LRP1B: variants seen among roughly 807,000 people sequenced by gnomAD.
The protein encoded by LRP1B is LDL receptor related protein 1B, also known as low-density lipoprotein receptor-related protein 1B.
Under a neutral mutation model 556.6 loss-of-function variants are expected in LRP1B, and 217 were observed. The observed-to-expected ratio is 0.39, with a 90% CI of 0.35 to 0.44. The LOEUF (loss-of-function observed/expected upper bound fraction) is 0.44, where lower values mean the gene tolerates loss of function less well. Ranked by LOEUF, LRP1B falls within the 20% of genes least tolerant of loss-of-function variation. LRP1B has a pLI of 1.00. For synonymous variants in LRP1B, 2,047 were observed against 1,865.8 expected, an observed-to-expected ratio of 1.10 and a Z score of -2.50; for missense variants, 5,053 against 5,620.8, an observed-to-expected ratio of 0.90 and a Z score of 3.23.
intron 2 of LRP1B, among the ~76,000 whole-genome samples, chr2:141,502,816 G>A (rs1683771216): frequency 6.7e-6 from 1 of 149,274 alleles, no homozygotes; most frequent in African/African-American, 2.5e-5. Context: ...CCAAGATTGT[G>A]CCACTGTACT....
intron 66 of LRP1B, among the ~76,000 whole-genome samples, chr2:140,437,276 G>T (rs913667869): frequency 1.3e-4 from 20 of 152,086 alleles, no homozygotes; most frequent in Middle Eastern, 6.8e-3. Flanking sequence ...TAACATGAAG[G>T]CACATAATCC....
chr2:142,109,976 A>T (rs1559075869), intron 1 of LRP1B, among the ~76,000 whole-genome samples: 1 of 152,148 alleles, frequency 6.6e-6, no homozygotes, highest in Non-Finnish European at 1.5e-5. Context: ...TGTTTTCAAA[A>T]GCTGTATAGA....
chr2:141,645,404 G>C (rs1196494102), intron 2 of LRP1B, among the ~76,000 whole-genome samples: 1 of 147,354 alleles, frequency 6.8e-6, no homozygotes, highest in African/African-American at 2.5e-5. Context: ...TTTGTCTGTT[G>C]ATGGGAAAAG....
chr2:141,074,587 C>CTATATATA (rs1457349404), intron 7 of LRP1B, among the ~76,000 whole-genome samples: 90 of 85,694 alleles, frequency 1.1e-3, no homozygotes, highest in South Asian at 3.7e-3. Context: ...CTCTCTCTCT[C>CTATATATA]TCTATATATA....
intron 10 of LRP1B, among the ~76,000 whole-genome samples, chr2:141,049,793 C>A (rs111771866): frequency 9.9e-5 from 15 of 152,060 alleles, no homozygotes; most frequent in African/African-American, 3.6e-4. Flanking sequence ...TTATAGCATC[C>A]CTTTATCTTC....
intron 1 of LRP1B, among the ~76,000 whole-genome samples, chr2:141,976,095 T>C (rs1448383208): frequency 1.3e-5 from 2 of 152,098 alleles, no homozygotes; most frequent in East Asian, 1.9e-4. Context: ...CTTTCATTTA[T>C]CAAATAAGAA....
At chr2:141,173,534 A>T (rs776238223) in intron 7 of LRP1B, among the ~76,000 whole-genome samples, 9 of 152,096 alleles carry the variant, frequency 5.9e-5, no homozygotes, top group Non-Finnish European at 1.2e-4. Flanking sequence ...TGCTCTAGGG[A>T]TGACAAAGCA....
chr2:140,557,845 T>C (rs1333811453), intron 43 of LRP1B, among the ~76,000 whole-genome samples: 1 of 152,132 alleles, frequency 6.6e-6, no homozygotes, highest in Non-Finnish European at 1.5e-5. Flanking sequence ...CTCAATGCCC[T>C]TATTCAGCTC....
intron 37 of LRP1B, among the ~76,000 whole-genome samples, chr2:140,707,216 C>G (rs1686870709): frequency 6.6e-6 from 1 of 152,032 alleles, no homozygotes; most frequent in Non-Finnish European, 1.5e-5. Context: ...TGATTTAGAT[C>G]CTTTGTTACA....
At chr2:140,471,251 T>A (rs1023983210) in intron 60 of LRP1B, among the ~76,000 whole-genome samples, 3 of 151,928 alleles carry the variant, frequency 2.0e-5, no homozygotes, top group Non-Finnish European at 4.4e-5. Context: ...AGTTAAATTA[T>A]CAGGTTTTCT....
intron 1 of LRP1B, among the ~76,000 whole-genome samples, chr2:142,073,240 C>A (rs192867850): frequency 1.1e-4 from 16 of 152,016 alleles, no homozygotes; most frequent in Non-Finnish European, 1.6e-4. Context: ...GGTATAATCT[C>A]CTCTTTACAA....
chr2:141,042,652 C>T (rs1044041917), intron 11 of LRP1B, among the ~76,000 whole-genome samples: 2 of 152,032 alleles, frequency 1.3e-5, no homozygotes, highest in African/African-American at 4.8e-5. Flanking sequence ...TAAAATGGAG[C>T]TAATAATAAT....
chr2:141,697,098 A>T (rs554791171), intron 2 of LRP1B, among the ~76,000 whole-genome samples: 1 of 151,948 alleles, frequency 6.6e-6, no homozygotes, highest in East Asian at 1.9e-4. Context: ...AACATAACAC[A>T]TATCATTTTA....
At chr2:141,615,622 G>A (rs985527283) in intron 2 of LRP1B, among the ~76,000 whole-genome samples, 6 of 151,978 alleles carry the variant, frequency 3.9e-5, no homozygotes, top group Non-Finnish European at 8.8e-5. Flanking sequence ...TTACATGACT[G>A]TAAGTATATT....
chr2:141,548,225 A>T (rs923418314), intron 2 of LRP1B, among the ~76,000 whole-genome samples: 1 of 152,220 alleles, frequency 6.6e-6, no homozygotes, highest in Non-Finnish European at 1.5e-5. Flanking sequence ...TGAGATTTCA[A>T]TGACATGTTC....
At chr2:141,075,680 G>A (rs1028919023) in intron 7 of LRP1B, among the ~76,000 whole-genome samples, 1 of 152,152 alleles carries the variant, frequency 6.6e-6, no homozygotes, top group South Asian at 2.1e-4. Flanking sequence ...TGGCTTGTAA[G>A]GGCATTGTTC....
chr2:140,377,647 G>C (rs1033357965), intron 68 of LRP1B, among the ~76,000 whole-genome samples: 1 of 152,156 alleles, frequency 6.6e-6, no homozygotes, highest in African/African-American at 2.4e-5. Flanking sequence ...GAATTATCCA[G>C]AGGATTTGTA....
rs1290214931 is a variant in LRP1B, at chr2:142,115,777, A to G, written c.82+14871T>C. ...TATATATGTAATATATATCATATAT[A>G]TGTAATATATATCATATATATGTAA... On this transcript the variant is annotated intron_variant, in intron 1 of 90. Coordinates refer to ENST00000389484, the MANE Select transcript of LRP1B (RefSeq NM_018557.3). Among the ~76,000 whole-genome samples, 2 of 42,786 alleles carry G rather than the reference A, an allele frequency of 4.7e-5. 1 individual carries two copies. Among genetic ancestry groups the G allele is most frequent in the Non-Finnish European group, 8.0e-5 (2 of 25,136 alleles). The allele number at this position is 42,786 out of a possible 152,430, so 28.1% of individuals were successfully genotyped here. A position where few individuals can be genotyped will look rare whatever the true frequency, so the allele number is the denominator to read the frequency against.
At chr2:141,740,680 T>C (rs1693663397) in intron 2 of LRP1B, among the ~76,000 whole-genome samples, 1 of 152,172 alleles carries the variant, frequency 6.6e-6, no homozygotes, top group Non-Finnish European at 1.5e-5. Flanking sequence ...TACGAGGTCT[T>C]ATTCATTCTT....
Sources: allele counts gnomAD v4.1 joint callset (sites outside exome capture counted in the v4.1 genomes callset), GRCh38; gene constraint gnomAD v4.1.1; transcripts MANE v1.5; gene names NCBI Gene and HGNC (gene_info 2026-07-23, HGNC 2026-07-21).